Variants in ANO4 observed in about 807,000 individuals in gnomAD.
The protein encoded by ANO4 is anoctamin 4, also known as anoctamin-4.
In ANO4, 69 loss-of-function variants were observed where a neutral mutation model predicts 141.9. That is an observed-to-expected ratio of 0.49 (90% CI 0.40 to 0.59). The LOEUF (loss-of-function observed/expected upper bound fraction) is 0.59. ANO4 is among the 20% of genes least tolerant of loss of function. ANO4 has a pLI of 0.00. For missense variants in ANO4, 894 were observed against 1,162.2 expected (o/e 0.77, Z 3.36); for synonymous variants, 350 against 394.3 (o/e 0.89, Z 1.33).
intron 2 of ANO4, among the ~76,000 whole-genome samples, chr12:100,739,049 A>ATT (rs2031741416): frequency 6.8e-6 from 1 of 146,962 alleles, no homozygotes; most frequent in Non-Finnish European, 1.5e-5. Flanking sequence ...ATCTTTATAT[A>ATT]TATATCTAAA....
chr12:100,901,712 G>A lies in ANO4; in HGVS notation c.-74G>A. On this transcript the variant is annotated 5_prime_UTR_variant, in exon 2 of 28. Transcript: ENST00000392977. ...ATCCATCAACGGCGAAGTGTGGCAAGCCGCCCAGCGTCACGTCGTCGCCTG... is the reference window on the plus strand; with the variant it reads ...ATCCATCAACGGCGAAGTGTGGCAAACCGCCCAGCGTCACGTCGTCGCCTG... The A allele has an allele frequency of 7.3e-7, 1 of 1,377,430 alleles. No homozygotes were observed. The highest frequency in any genetic ancestry group is 1.0e-6 in the Non-Finnish European group (1 of 964,452). The allele number at this position is 1,377,430 out of a possible 1,614,324, so 85.3% of individuals were successfully genotyped here.
intron 1 of ANO4, among the ~76,000 whole-genome samples, chr12:100,899,004 G>GAAA (rs1296531174): frequency 1.3e-5 from 2 of 152,174 alleles, no homozygotes; most frequent in Non-Finnish European, 2.9e-5. Context: ...TGGAGTGGAA[G>GAAA]AAAATCACTC....
chr12:100,717,477 G>C (rs2030652569), upstream of ANO4: 1 of 398,164 alleles, frequency 2.5e-6, no homozygotes, highest in South Asian at 1.3e-4. Context: ...GCGCGCAGGG[G>C]GCCGCTCTAG....
At chr12:100,786,865 A>G (rs931323667) in intron 3 of ANO4, among the ~76,000 whole-genome samples, 16 of 152,300 alleles carry the variant, frequency 1.1e-4, no homozygotes, top group Admixed American at 4.6e-4. Context: ...AATTCTTTGT[A>G]CTGAAGAATT....
chr12:100,939,396 C>A lies in ANO4; in HGVS notation c.242C>A (p.Pro81His), dbSNP rs764035960. 1 of 1,613,788 alleles carries A rather than the reference C, an allele frequency of 6.2e-7. No homozygotes were observed. The highest frequency in any genetic ancestry group is 1.1e-5 in the South Asian group (1 of 91,060). Residue 81 changes from proline (P) to histidine (H), a missense_variant, in exon 4 of 28, where the codon CCT becomes CAT. Coordinates refer to ENST00000392977, the MANE Select transcript of ANO4 (RefSeq NM_001286615.2). ...AAAGATGACGATTCTCTTCTTCACC[C>A]TGGAAACCTGACTAGTACTTCAGAT... ...PCKDDDSLLH[P>H]GNLTSTSDDA...
chr12:100,956,307 T>C (rs971821985), intron 5 of ANO4, among the ~76,000 whole-genome samples: 1 of 152,222 alleles, frequency 6.6e-6, no homozygotes, highest in African/African-American at 2.4e-5. Context: ...GTGTTACTGC[T>C]CACTAGAGTA....
chr12:100,967,931 A>G (rs1201063419), intron 5 of ANO4, among the ~76,000 whole-genome samples: 2 of 152,210 alleles, frequency 1.3e-5, no homozygotes, highest in Non-Finnish European at 2.9e-5. Flanking sequence ...GTATGGAATC[A>G]GCTCTGTCTG....
At chr12:100,801,710 G>T in intron 1 of ANO4, among the ~76,000 whole-genome samples, 1 of 145,342 alleles carries the variant, frequency 6.9e-6, no homozygotes, top group Non-Finnish European at 1.5e-5. Flanking sequence ...TATGATGGTC[G>T]TGCCAGCAAT....
chr12:101,123,685 G>A (rs545435502), intron 26 of ANO4, among the ~76,000 whole-genome samples: 1 of 152,286 alleles, frequency 6.6e-6, no homozygotes, highest in Admixed American at 6.5e-5. Flanking sequence ...ATTTCATGGT[G>A]TATATGTACC....
intron 5 of ANO4, among the ~76,000 whole-genome samples, chr12:100,948,096 A>T (rs1185054663): frequency 7.2e-6 from 1 of 137,936 alleles, no homozygotes; most frequent in African/African-American, 2.7e-5. Flanking sequence ...CGGGAGGCTG[A>T]GCTGAGATCA....
chr12:100,988,918 A>C (rs2044905539), intron 8 of ANO4, among the ~76,000 whole-genome samples: 1 of 151,836 alleles, frequency 6.6e-6, no homozygotes. Context: ...AAGGTAAGCC[A>C]AATGGCAGTT....
chr12:100,895,913 C>T (rs1382324192), intron 1 of ANO4, among the ~76,000 whole-genome samples: 2 of 151,910 alleles, frequency 1.3e-5, no homozygotes, highest in Non-Finnish European at 2.9e-5. Flanking sequence ...CCCGTATACT[C>T]ATCAAGTGTC....
chr12:100,904,323 T>C (rs1489923324), intron 2 of ANO4, among the ~76,000 whole-genome samples: 3 of 152,148 alleles, frequency 2.0e-5, no homozygotes. Flanking sequence ...AGACCAACTG[T>C]GTAATCTATA....
At chr12:100,939,592 T>A in intron 4 of ANO4, 141 bp downstream of exon 4, 1 of 890,312 alleles carries the variant, frequency 1.1e-6, no homozygotes, top group Non-Finnish European at 1.6e-6. Context: ...TATATTCCTT[T>A]GACATCCCCC....
intron 1 of ANO4, among the ~76,000 whole-genome samples, chr12:100,840,961 G>A (rs1450720303): frequency 6.6e-6 from 1 of 152,060 alleles, no homozygotes; most frequent in Non-Finnish European, 1.5e-5. Flanking sequence ...CCCTCATCAG[G>A]ATCTTTTAGG....
At chr12:101,005,347 A>G (rs906020102) in intron 8 of ANO4, among the ~76,000 whole-genome samples, 4 of 152,232 alleles carry the variant, frequency 2.6e-5, no homozygotes, top group African/African-American at 9.6e-5. Flanking sequence ...TGAATAGCAA[A>G]TAAAACTAAT....
At chr12:101,036,812 G>A (rs1335192783) in intron 9 of ANO4, among the ~76,000 whole-genome samples, 1 of 151,962 alleles carries the variant, frequency 6.6e-6, no homozygotes, top group East Asian at 1.9e-4. Context: ...ATGTGATTGT[G>A]GTAATCATTA....
chr12:100,778,650 A>G (rs1221007587), intron 3 of ANO4, among the ~76,000 whole-genome samples: 1 of 152,198 alleles, frequency 6.6e-6, no homozygotes, highest in African/African-American at 2.4e-5. Flanking sequence ...GCTTTGGGAC[A>G]GTTAATGTTA....
intron 13 of ANO4, chr12:101,048,081 C>T: frequency 8.5e-7 from 1 of 1,176,136 alleles, no homozygotes. Context: ...TTCTTAGTAG[C>T]ACTATTGGGG....
Sources: gnomAD v4.1 joint callset for allele counts (sites outside exome capture counted in the v4.1 genomes callset) on GRCh38, gnomAD v4.1.1 for gene constraint, MANE v1.5 for transcripts, NCBI Gene and HGNC (gene_info 2026-07-23, HGNC 2026-07-21) for gene names.